RB1CC1: variants seen among roughly 807,000 people sequenced by gnomAD.
The protein encoded by RB1CC1 is RB1 inducible coiled-coil 1.
In RB1CC1, 46 loss-of-function variants were observed where a neutral mutation model predicts 177.5. The observed-to-expected ratio is 0.26, with a 90% CI of 0.20 to 0.33. RB1CC1 has a LOEUF of 0.33. Among genes scored for constraint, RB1CC1 ranks in the 10% least tolerant of loss-of-function variants. The probability of loss-of-function intolerance (pLI) is 1.00; values close to 1 mark genes in which losing one functional copy is unlikely to be tolerated. For synonymous variants in RB1CC1, 666 were observed against 613.6 expected, an observed-to-expected ratio of 1.09 and a Z score of -1.26; for missense variants, 1,703 against 1,816.3, an observed-to-expected ratio of 0.94 and a Z score of 1.13.
chr8:52,697,400 T>C (rs932829337), intron 1 of RB1CC1, among the ~76,000 whole-genome samples: 1 of 152,106 alleles, frequency 6.6e-6, no homozygotes, highest in Non-Finnish European at 1.5e-5. Context: ...GATCCTGACT[T>C]AAAACAACTG....
Position 52,661,220 on chromosome 8 carries a change from G to A in RB1CC1, c.1420C>T (p.Arg474Cys), listed in dbSNP as rs151174558. 26 of 1,613,624 alleles carry A rather than the reference G, an allele frequency of 1.6e-5. No individual in the cohort carries two copies. The highest frequency in any genetic ancestry group is 8.8e-5 in the South Asian group (8 of 91,050). The change falls in exon 10 of 24, where the codon CGC becomes TGC. Residue 474 changes from arginine (R) to cysteine (C), a missense_variant. Around this residue, in one of 6 missense-constraint regions of RB1CC1, gnomAD observed 1,169 missense variants for 1,184.7 expected, o/e 0.99. Transcript: ENST00000025008. ...QDGEKLQALL[R>C]LVIELLERVK... ...CTTTCTAACAGCTCTATTACGAGGC[G>A]GAGCAAAGCTTGTAACTTCTCTCCA...
Position 52,658,085 on chromosome 8 carries a change from A to G in RB1CC1, c.1833T>C (p.His611=), listed in dbSNP as rs894959254. Residue 611 remains histidine, a synonymous_variant, in exon 14 of 24, where the codon CAT becomes CAC. Coordinates refer to ENST00000025008, the MANE Select transcript of RB1CC1 (RefSeq NM_014781.5). ...TTACCAAATTATGTAGAGCAAGTAC[A>G]TGCTGGTGTAGAGGTTCAAAGTCAC... ...LLCDFEPLHQ[H]VLALHNLVKA... is the part of the protein sequence containing the mutation. 6 of 1,613,844 alleles carry G rather than the reference A, an allele frequency of 3.7e-6. No homozygotes were observed. The highest frequency in any genetic ancestry group is 5.1e-6 in the Non-Finnish European group (6 of 1,179,936).
chr8:52,685,060 T>C (rs1039979775), intron 3 of RB1CC1, among the ~76,000 whole-genome samples: 13 of 149,588 alleles, frequency 8.7e-5, no homozygotes, highest in African/African-American at 2.7e-4. Context: ...TGGAGTGCAG[T>C]GGTGCGATCT....
At position 52,635,072 on chromosome 8, in the gene RB1CC1, G is replaced by T. The variant is rs1020729190; in HGVS notation, c.4393-104C>A. ...CATCAGACAAAAATGTTTGGTTCGG[G>T]TATGAAAAGTTGATGGGGATATTAT... On this transcript the variant is annotated intron_variant, in intron 19 of 23. Transcript: ENST00000025008. 1.6e-5 allele frequency: 16 copies of T among 1,006,136 alleles called. No homozygotes were observed. The African/African-American group carries it at 2.7e-4, about 17-fold the overall frequency. 62.3% of individuals were successfully genotyped at this position (1,006,136 alleles called of 1,614,324 possible).
chr8:52,650,649 A>G (rs1850489725), intron 15 of RB1CC1, among the ~76,000 whole-genome samples: 1 of 152,180 alleles, frequency 6.6e-6, no homozygotes, highest in African/African-American at 2.4e-5. Context: ...TCTAGAGGAA[A>G]AAAAAATCCC....
In RB1CC1 at chr8:52,661,722, T is replaced by G. The variant is rs748460982; in HGVS notation, c.1174-3A>C. 2.1e-5 allele frequency: 33 copies of G among 1,539,840 alleles called. No individual in the cohort carries two copies. Among genetic ancestry groups the G allele is most frequent in the Non-Finnish European group, 2.8e-5 (32 of 1,146,890 alleles). ...CTCTTCTGATTAGCTAAAAATCCCT[T>G]TGAGAAAAAAAATGTTTCAAAGGAC... On this transcript the variant is annotated splice_region_variant and splice_polypyrimidine_tract_variant and intron_variant, in intron 8 of 23. Coordinates refer to ENST00000025008, the MANE Select transcript of RB1CC1 (RefSeq NM_014781.5).
intron 5 of RB1CC1, among the ~76,000 whole-genome samples, chr8:52,678,594 C>T (rs572094764): frequency 4.8e-4 from 73 of 152,136 alleles, no homozygotes; most frequent in African/African-American, 1.7e-3. Context: ...GGGGATGCAA[C>T]GAAAGAGGAA....
chr8:52,676,584 A>C lies in RB1CC1; in HGVS notation c.370-13T>G. ...CTTCATACATTTCCTATATTGAAAA[A>C]GAATACAAAAGAAAGTAAAAGAAGG... On this transcript the variant is annotated splice_polypyrimidine_tract_variant and intron_variant, in intron 5 of 23. Coordinates refer to ENST00000025008, the MANE Select transcript of RB1CC1 (RefSeq NM_014781.5). 1 of 1,584,170 alleles carries C rather than the reference A, an allele frequency of 6.3e-7. No homozygotes were observed. Among genetic ancestry groups the C allele is most frequent in the Non-Finnish European group, 8.6e-7 (1 of 1,161,318 alleles).
At chr8:52,674,377 A>C (rs1591048531) in intron 6 of RB1CC1, 103 bp from the exon 7 acceptor site, 1 of 991,160 alleles carries the variant, frequency 1.0e-6, no homozygotes, top group East Asian at 2.5e-5. Flanking sequence ...AAATCTCACC[A>C]CCTCTCCATA....
chr8:52,655,142 C>T (rs978893346), intron 15 of RB1CC1, among the ~76,000 whole-genome samples: 1 of 152,046 alleles, frequency 6.6e-6, no homozygotes, highest in East Asian at 1.9e-4. Flanking sequence ...CCTCTAATGC[C>T]CCCTCCCCCA....
At chr8:52,670,735 C>T (rs1251140843) in intron 7 of RB1CC1, among the ~76,000 whole-genome samples, 1 of 152,120 alleles carries the variant, frequency 6.6e-6, no homozygotes, top group Admixed American at 6.5e-5. Context: ...ACCTGTAATC[C>T]CAGCACTTTG....
intron 15 of RB1CC1, among the ~76,000 whole-genome samples, 181 bp from the exon 16 acceptor site, chr8:52,646,048 T>G (rs1258736754): frequency 6.6e-6 from 1 of 152,188 alleles, no homozygotes; most frequent in Non-Finnish European, 1.5e-5. Context: ...TAATACAGAT[T>G]AGATGCTGAC....
At chr8:52,711,577 T>C (rs992780879) in intron 1 of RB1CC1, among the ~76,000 whole-genome samples, 2 of 152,252 alleles carry the variant, frequency 1.3e-5, no homozygotes, top group Non-Finnish European at 2.9e-5. Context: ...TGTTCACTGT[T>C]GCATTGCTGA....
intron 15 of RB1CC1, among the ~76,000 whole-genome samples, chr8:52,654,306 A>G (rs1850886417): frequency 6.6e-6 from 1 of 152,216 alleles, no homozygotes; most frequent in Admixed American, 6.5e-5. Flanking sequence ...ACTGCAATAC[A>G]GAGATCCAAC....
At chr8:52,667,019 C>T (rs923920005) in intron 8 of RB1CC1, among the ~76,000 whole-genome samples, 11 of 152,066 alleles carry the variant, frequency 7.2e-5, no homozygotes, top group Non-Finnish European at 1.2e-4. Flanking sequence ...ATTCAAGATG[C>T]ACTACAAGCC....
chr8:52,640,038 ATT>A (rs567851032), intron 18 of RB1CC1, among the ~76,000 whole-genome samples: 26 of 152,184 alleles, frequency 1.7e-4, no homozygotes, highest in African/African-American at 6.0e-4. Context: ...ATTGTGGCTC[ATT>A]TGTTTTTATT....
intron 20 of RB1CC1, among the ~76,000 whole-genome samples, chr8:52,632,533 T>C (rs1203845225): frequency 6.6e-6 from 1 of 152,226 alleles, no homozygotes; most frequent in East Asian, 1.9e-4. Flanking sequence ...TTTTAAAAGC[T>C]TAAGTTTTTT....
At chr8:52,635,076 G>T in intron 19 of RB1CC1, 108 bp from the exon 20 acceptor site, 1 of 964,272 alleles carries the variant, frequency 1.0e-6, no homozygotes, top group Non-Finnish European at 1.6e-6. Flanking sequence ...GTTCGGGTAT[G>T]AAAAGTTGAT....
chr8:52,634,410 C>T (rs1848979504), intron 20 of RB1CC1, among the ~76,000 whole-genome samples: 1 of 151,894 alleles, frequency 6.6e-6, no homozygotes, highest in African/African-American at 2.4e-5. Context: ...CTTGTAATCC[C>T]AGCTACTCGG....
Sources: gnomAD v4.1 joint callset for allele counts (sites outside exome capture counted in the v4.1 genomes callset) on GRCh38, gnomAD v4.1.1 for gene constraint, gnomAD v4.1.1 regional missense constraint, MANE v1.5 for transcripts, NCBI Gene and HGNC (gene_info 2026-07-23, HGNC 2026-07-21) for gene names.